The following MGST1 variants were observed in gnomAD, a reference collection of about 807,000 sequenced individuals.
MGST1 encodes glutathione S-transferase 12.
MGST1 carries 5 observed loss-of-function variants against 8.9 expected under a neutral mutation model. The ratio of observed to expected loss-of-function variants is 0.56; its 90% CI spans 0.29 to 1.19. The LOEUF is 1.19. Among genes scored for constraint, MGST1 ranks in the 50% most tolerant of loss-of-function variants. The pLI, the probability that MGST1 is intolerant of heterozygous loss-of-function variation, is 0.08. For synonymous variants in MGST1, 54 were observed against 67.8 expected (o/e 0.80, Z 1.00); for missense variants, 182 against 187.4 (o/e 0.97, Z 0.17).
intron 4 of MGST1, among the ~76,000 whole-genome samples, chr12:16,490,769 A>G (rs749560361): frequency 1.7e-4 from 26 of 152,168 alleles, no homozygotes; most frequent in Non-Finnish European, 8.8e-5. Flanking sequence ...GCTGTATGAC[A>G]CCTGAGCATG....
chr12:16,396,406 A>G (rs773526236), intron 1 of MGST1, among the ~76,000 whole-genome samples: 6 of 152,182 alleles, frequency 3.9e-5, no homozygotes, highest in Non-Finnish European at 7.3e-5. Flanking sequence ...CAACACTTCT[A>G]TTCAATGTAT....
chr12:16,366,840 T>C (rs139738258), downstream of MGST1, among the ~76,000 whole-genome samples: 76 of 152,254 alleles, frequency 5.0e-4, no homozygotes, highest in African/African-American at 1.8e-3. This position sits in a 1 kb window ranked among gnomAD's most constrained non-coding sequence, Gnocchi z 4.0. Flanking sequence ...AACTGGAAGA[T>C]ATTTATCTGT....
rs1231528050 is a variant in MGST1, at chr12:16,497,219, G to C, written n.483-92309G>C. 6.6e-6 allele frequency among the ~76,000 whole-genome samples: 1 copy of C among 152,106 alleles called. No homozygotes were observed. Among genetic ancestry groups the C allele is most frequent in the Non-Finnish European group, 1.5e-5 (1 of 68,000 alleles). ...GCTAGTCTTGAAATCAGATCCCACTGTTCACACGCTTTTCCTTTGTTTAAC... is the reference window on the plus strand; with the variant it reads ...GCTAGTCTTGAAATCAGATCCCACTCTTCACACGCTTTTCCTTTGTTTAAC... On this transcript the variant is annotated intron_variant and non_coding_transcript_variant, in intron 4 of 4. Transcript: ENST00000538857. The surrounding 1 kb of genome is among the most constrained non-coding windows in gnomAD (Gnocchi z 4.4).
At chr12:16,384,358 T>C (rs1940485400) in intron 1 of MGST1, among the ~76,000 whole-genome samples, 1 of 152,166 alleles carries the variant, frequency 6.6e-6, no homozygotes, top group Admixed American at 6.5e-5. Flanking sequence ...TGGATTAGAT[T>C]GGGCTCTAAA....
chr12:16,519,330 T>C (rs1941634336), intron 4 of MGST1, among the ~76,000 whole-genome samples: 1 of 152,236 alleles, frequency 6.6e-6, no homozygotes, highest in African/African-American at 2.4e-5. Flanking sequence ...TTTGATTTTT[T>C]ATCTGGCTGC....
At chr12:16,423,310 C>T (rs753398954) in intron 1 of MGST1, among the ~76,000 whole-genome samples, 44 of 152,234 alleles carry the variant, frequency 2.9e-4, no homozygotes, top group East Asian at 1.9e-4. Flanking sequence ...CTGTAATTTT[C>T]TAGGTGTTTC....
At chr12:16,509,279 C>T (rs1436721054) in intron 4 of MGST1, among the ~76,000 whole-genome samples, 1 of 151,986 alleles carries the variant, frequency 6.6e-6, no homozygotes, top group Non-Finnish European at 1.5e-5. Flanking sequence ...AAAAGAAGTG[C>T]TATGAATATA....
intron 1 of MGST1, among the ~76,000 whole-genome samples, chr12:16,434,462 GTTTCCGTTCAATTTTTAA>G (rs1940966293): frequency 1.3e-5 from 2 of 151,538 alleles, no homozygotes; most frequent in African/African-American, 4.8e-5. Context: ...GTGTGTGTGT[GTTTCCGTTCAATTTTTAA>G]CATGCTTCAA....
intron 1 of MGST1, among the ~76,000 whole-genome samples, chr12:16,411,604 G>T (rs1330030869): frequency 6.6e-6 from 1 of 152,072 alleles, no homozygotes; most frequent in Non-Finnish European, 1.5e-5. Context: ...ATGATAAAGG[G>T]CTGTACAAAT....
At chr12:16,430,018 G>A (rs911716861) in intron 1 of MGST1, among the ~76,000 whole-genome samples, 2 of 152,158 alleles carry the variant, frequency 1.3e-5, no homozygotes, top group Non-Finnish European at 2.9e-5. Context: ...TATCAACAAA[G>A]TTCATGTAAT....
At chr12:16,460,889 A>C (rs1177731598) in intron 4 of MGST1, among the ~76,000 whole-genome samples, 1 of 152,114 alleles carries the variant, frequency 6.6e-6, no homozygotes, top group African/African-American at 2.4e-5. Context: ...CAGGCTGTTA[A>C]AGGAGATACT....
At chr12:16,347,610 G>C (rs1939256339), upstream of MGST1, 1 of 152,344 alleles carries the variant, frequency 6.6e-6, no homozygotes, top group Non-Finnish European at 1.5e-5. This position sits in a 1 kb window ranked among gnomAD's most constrained non-coding sequence, Gnocchi z 4.0. Flanking sequence ...ATTAACTGGA[G>C]AGGGGCGGTG....
chr12:16,511,589 G>A (rs1470309994), intron 4 of MGST1, among the ~76,000 whole-genome samples: 1 of 152,254 alleles, frequency 6.6e-6, no homozygotes, highest in South Asian at 2.1e-4. Flanking sequence ...TTCCTAGAAG[G>A]CATTGTTCTT....
At chr12:16,464,734 G>C (rs1054563711) in intron 4 of MGST1, among the ~76,000 whole-genome samples, 1 of 152,216 alleles carries the variant, frequency 6.6e-6, no homozygotes, top group Non-Finnish European at 1.5e-5. Context: ...AATGGCATGA[G>C]GTTTTAGGTA....
chr12:16,353,558 G>A (rs1358729707), intron 1 of MGST1: 3 of 152,072 alleles, frequency 2.0e-5, no homozygotes, highest in African/African-American at 7.2e-5. Flanking sequence ...TGTTTCCAAA[G>A]AGATCAGTCT....
intron 1 of MGST1, among the ~76,000 whole-genome samples, chr12:16,397,110 C>T (rs1042532123): frequency 6.6e-6 from 1 of 152,088 alleles, no homozygotes; most frequent in East Asian, 1.9e-4. Flanking sequence ...ACAGAAAACC[C>T]ACCAGTAAAC....
chr12:16,533,632 G>A (rs1220555241), intron 4 of MGST1, among the ~76,000 whole-genome samples: 5 of 151,944 alleles, frequency 3.3e-5, no homozygotes, highest in Non-Finnish European at 5.9e-5. Context: ...CCAACTGATT[G>A]ATTGATTAAT....
At chr12:16,550,952 A>G in intron 4 of MGST1, 1 of 372,292 alleles carries the variant, frequency 2.7e-6, no homozygotes, top group South Asian at 5.6e-5. Flanking sequence ...CAAAATAAAC[A>G]TCTCATGCCA....
intron 4 of MGST1, among the ~76,000 whole-genome samples, chr12:16,448,510 G>T (rs918396638): frequency 8.6e-5 from 13 of 151,684 alleles, no homozygotes; most frequent in African/African-American, 3.1e-4. Flanking sequence ...AACAGTAATG[G>T]TTCCAGAATT....
Sources: allele counts gnomAD v4.1 joint callset (sites outside exome capture counted in the v4.1 genomes callset), GRCh38; gene constraint gnomAD v4.1.1; non-coding constraint Gnocchi (gnomAD v3.1); transcripts MANE v1.5; gene names NCBI Gene and HGNC (gene_info 2026-07-23, HGNC 2026-07-21).